Variants in AGAP3 observed in about 807,000 individuals in gnomAD.
The protein encoded by AGAP3 is ArfGAP with GTPase domain, ankyrin repeat and PH domain 3.
Under a neutral mutation model 96.9 loss-of-function variants are expected in AGAP3, and 24 were observed. The observed-to-expected ratio is 0.25, with a 90% CI of 0.18 to 0.35. AGAP3 has a LOEUF of 0.35. Among genes scored for constraint, AGAP3 ranks in the 10% least tolerant of loss-of-function variants. The pLI is 1.00. For synonymous variants in AGAP3, 563 were observed against 536.1 expected, an observed-to-expected ratio of 1.05 and a Z score of -0.69; for missense variants, 876 against 1,254.2, an observed-to-expected ratio of 0.70 and a Z score of 4.55.
chr7:151,119,448 T>C (rs367947372), intron 7 of AGAP3, among the ~76,000 whole-genome samples: 2 of 152,228 alleles, frequency 1.3e-5, no homozygotes, highest in African/African-American at 4.8e-5. Context: ...CTTACTCTGA[T>C]TGGGAGTCAT....
Position 151,086,706 on chromosome 7 carries a change from C to T in AGAP3, c.-36C>T, listed in dbSNP as rs1798163091. On this transcript the variant is annotated 5_prime_UTR_variant, in exon 1 of 18. Transcript: ENST00000397238. ...CGCCGCCGCCGCCTCCGCCGCGCCGCCCCGGGCCCGCCTCGGGCCCCACGG... is the reference window on the plus strand; with the variant it reads ...CGCCGCCGCCGCCTCCGCCGCGCCGTCCCGGGCCCGCCTCGGGCCCCACGG... 1 of 542,372 alleles carries T rather than the reference C, an allele frequency of 1.8e-6. No individual in the cohort carries two copies. The highest frequency in any genetic ancestry group is 7.6e-5 in the South Asian group (1 of 13,172). The allele number at this position is 542,372 out of a possible 1,614,324, so 33.6% of individuals were successfully genotyped here.
chr7:151,142,672 G>A lies in AGAP3; in HGVS notation c.2273+38G>A, dbSNP rs559446842. 1.3e-6 allele frequency: 2 copies of A among 1,587,006 alleles called. No homozygotes were observed. The highest frequency in any genetic ancestry group is 3.3e-5 in the Admixed American group (2 of 59,724). On this transcript the variant is annotated intron_variant, in intron 16 of 17. Transcript: ENST00000397238. This position sits in a 1 kb window ranked among gnomAD's most constrained non-coding sequence, Gnocchi z 7.5. ...TGCCCTGGAGCTGGCCAGGAATGGGGGAAGCGTTGGGGGCTCCCAGCATGG... is the reference window on the plus strand; with the variant it reads ...TGCCCTGGAGCTGGCCAGGAATGGGAGAAGCGTTGGGGGCTCCCAGCATGG...
At position 151,118,710 on chromosome 7, in the gene AGAP3, G is replaced by A. The variant is rs149050258; in HGVS notation, c.969+78G>A. ...CTCTGTGCGTCCTGCCACTTCTGCT[G>A]GCCTCCTGCTCACACCTGTCCACCT... On this transcript the variant is annotated intron_variant, in intron 7 of 17. Transcript: ENST00000397238. This position sits in a 1 kb window ranked among gnomAD's most constrained non-coding sequence, Gnocchi z 6.1. 185 of 1,556,908 alleles carry A rather than the reference G, an allele frequency of 1.2e-4. No homozygotes were observed. The East Asian group carries it at 3.2e-3, about 27-fold the overall frequency.
At chr7:151,106,728 C>T (rs151037132) in intron 1 of AGAP3, among the ~76,000 whole-genome samples, 26 of 152,204 alleles carry the variant, frequency 1.7e-4, no homozygotes, top group Non-Finnish European at 3.4e-4. Context: ...TCGCCCGCCT[C>T]AGGCTCAGGA....
rs538687221 is a variant in AGAP3, at chr7:151,144,159, G to A, written c.*216G>A. ...GAGGGATTTAGCCCTCTGCCCTAAG[G>A]TGCCATTGAAAAGGGACAGGACCCT... On this transcript the variant is annotated 3_prime_UTR_variant, in exon 18 of 18. Coordinates refer to ENST00000397238, the MANE Select transcript of AGAP3 (RefSeq NM_031946.7). 1.8e-5 allele frequency: 11 copies of A among 616,628 alleles called. No individual in the cohort carries two copies. Among genetic ancestry groups the A allele is most frequent in the East Asian group, 1.4e-4 (5 of 35,678 alleles). 38.2% of individuals were successfully genotyped at this position (616,628 alleles called of 1,614,324 possible).
intron 1 of AGAP3, 41 bp from the exon 2 acceptor site, chr7:151,116,752 G>A (rs1799604529): frequency 9.9e-6 from 16 of 1,611,960 alleles, no homozygotes; most frequent in African/African-American, 6.7e-5. Flanking sequence ...ACAGGTGTGT[G>A]TGCCACCCTG....
intron 10 of AGAP3, 137 bp from the exon 11 acceptor site, chr7:151,134,263 G>A: frequency 3.2e-6 from 3 of 945,836 alleles, no homozygotes; most frequent in Middle Eastern, 2.3e-4. Context: ...GACATTCTGT[G>A]GCTTAGAATC....
At chr7:151,123,328 G>A in intron 8 of AGAP3, 1 of 1,036,890 alleles carries the variant, frequency 9.6e-7, no homozygotes, top group South Asian at 3.6e-5. Flanking sequence ...TCCTCTCTCT[G>A]TCCATCCACT....
chr7:151,086,978 G>T lies in AGAP3; in HGVS notation c.237G>T (p.Val79=). The T allele has an allele frequency of 1.9e-6, 3 of 1,612,974 alleles. No individual in the cohort carries two copies. The highest frequency in any genetic ancestry group is 1.7e-6 in the Non-Finnish European group (2 of 1,179,574). Residue 79 remains valine (V), a synonymous_variant, in exon 1 of 18, where the codon GTG becomes GTT. Coordinates refer to ENST00000397238, the MANE Select transcript of AGAP3 (RefSeq NM_031946.7). ...IRAEIQRFES[V]HPNIYAIYDL... Reference sequence around the variant, plus strand: ...CCGAGATCCAGCGCTTCGAGTCCGTGCATCCCAATATCTACGCCATCTACG... The same window carrying T: ...CCGAGATCCAGCGCTTCGAGTCCGTTCATCCCAATATCTACGCCATCTACG...
intron 1 of AGAP3, among the ~76,000 whole-genome samples, chr7:151,104,656 G>A (rs766155458): frequency 6.6e-6 from 1 of 152,212 alleles, no homozygotes; most frequent in Admixed American, 6.5e-5. Context: ...AGGGTGCACC[G>A]ACATCCCCAC....
At position 151,108,432 on chromosome 7, in the gene AGAP3, C is replaced by T. The variant is rs953456205; in HGVS notation, c.332-8361C>T. 6.6e-6 allele frequency among the ~76,000 whole-genome samples: 1 copy of T among 152,194 alleles called. No homozygotes were observed. The highest frequency in any genetic ancestry group is 2.4e-5 in the African/African-American group (1 of 41,448). ...CTCTCGGTCCTGTGGCTCTCTCTGC[C>T]ACCCGCACCCCCACCAGCACCTCTG... On this transcript the variant is annotated intron_variant, in intron 1 of 17. Transcript: ENST00000397238. This position sits in a 1 kb window ranked among gnomAD's most constrained non-coding sequence, Gnocchi z 4.2.
chr7:151,139,873 C>A lies in AGAP3; in HGVS notation c.1667-106C>A. 8.7e-7 allele frequency: 1 copy of A among 1,144,828 alleles called. No individual in the cohort carries two copies. Among genetic ancestry groups the A allele is most frequent in the Non-Finnish European group, 1.1e-6 (1 of 869,668 alleles). 70.9% of individuals were successfully genotyped at this position (1,144,828 alleles called of 1,614,324 possible). A position where few individuals can be genotyped will look rare whatever the true frequency, so the allele number is the denominator to read the frequency against. On this transcript the variant is annotated intron_variant, in intron 12 of 17. Transcript: ENST00000397238. This position sits in a 1 kb window ranked among gnomAD's most constrained non-coding sequence, Gnocchi z 4.9. ...TCCGTCTGGCTCTCCTGAGTGTGGC[C>A]CAGCTACAGTTGGCAGGACTGGTCC...
intron 1 of AGAP3, chr7:151,115,307 C>G (rs978267944): frequency 9.9e-7 from 1 of 1,006,442 alleles, no homozygotes; most frequent in African/African-American, 1.8e-5. Context: ...CGGAGGGGCC[C>G]CGGCGCGGCC....
Position 151,118,309 on chromosome 7 carries a change from C to T in AGAP3, c.806C>T (p.Thr269Ile). 1 of 1,613,016 alleles carries T rather than the reference C, an allele frequency of 6.2e-7. No homozygotes were observed. Among genetic ancestry groups the T allele is most frequent in the Non-Finnish European group, 8.5e-7 (1 of 1,179,032 alleles). The change falls in exon 6 of 18, where the codon ACC becomes ATC. Residue 269 changes from threonine (T) to isoleucine (I), a missense_variant. Physicochemically the swap from Thr to Ile is moderately conservative, Grantham distance 89. Coordinates refer to ENST00000397238, the MANE Select transcript of AGAP3 (RefSeq NM_031946.7). This position sits in a 1 kb window ranked among gnomAD's most constrained non-coding sequence, Gnocchi z 6.1. ...TGCACCTACTATGAGACGTGCGCGA[C>T]CTACGGGCTCAATGTGGAGCGTGTC... is the stretch of plus-strand genomic sequence containing the variant. ...KRCTYYETCA[T>I]YGLNVERVFQ...
intron 1 of AGAP3, among the ~76,000 whole-genome samples, chr7:151,089,410 A>G (rs1381208914): frequency 2.0e-5 from 3 of 151,300 alleles, no homozygotes; most frequent in African/African-American, 4.9e-5. Context: ...ACACAGTGTC[A>G]GCTGGGAGCC....
Position 151,119,950 on chromosome 7 carries a change from A to C in AGAP3, c.970-37A>C, listed in dbSNP as rs762085514. The C allele has an allele frequency of 2.5e-6, 4 of 1,608,566 alleles. No individual in the cohort carries two copies. In the South Asian group the frequency reaches 4.4e-5, roughly 18 times the overall value. On this transcript the variant is annotated intron_variant, in intron 7 of 17. Transcript: ENST00000397238. ...CCGCCTGGTGCCCGTCCCGCCCCTG[A>C]CCCGGAGCTGCCCTCAGCAGCCCTC...
chr7:151,139,840 G>C lies in AGAP3; in HGVS notation c.1667-139G>C, dbSNP rs560528453. ...GAAGCCCAGGCAGACCTCGCCTAGAGAGAGGTGTCCGTCTGGCTCTCCTGA... is the reference window on the plus strand; with the variant it reads ...GAAGCCCAGGCAGACCTCGCCTAGACAGAGGTGTCCGTCTGGCTCTCCTGA... On this transcript the variant is annotated intron_variant, in intron 12 of 17. Transcript: ENST00000397238. This position sits in a 1 kb window ranked among gnomAD's most constrained non-coding sequence, Gnocchi z 4.9. 2.7e-4 allele frequency: 210 copies of C among 790,020 alleles called. No homozygotes were observed. In the African/African-American group the frequency reaches 3.4e-3, roughly 13 times the overall value. 48.9% of individuals were successfully genotyped at this position (790,020 alleles called of 1,614,324 possible).
rs1800835343 is a variant in AGAP3, at chr7:151,142,088, T to A, written c.1959+36T>A. The A allele has an allele frequency of 6.2e-7, 1 of 1,607,430 alleles. No homozygotes were observed. Among genetic ancestry groups the A allele is most frequent in the Non-Finnish European group, 8.5e-7 (1 of 1,175,310 alleles). ...AGTGACTGGGCCCACACAGAGCACCTGGCTGGGGTGGGACTGAAAGGGGCC... is the reference window on the plus strand; with the variant it reads ...AGTGACTGGGCCCACACAGAGCACCAGGCTGGGGTGGGACTGAAAGGGGCC... On this transcript the variant is annotated intron_variant, in intron 14 of 17. Coordinates refer to ENST00000397238, the MANE Select transcript of AGAP3 (RefSeq NM_031946.7). The surrounding 1 kb of genome is among the most constrained non-coding windows in gnomAD (Gnocchi z 7.5).
At position 151,115,176 on chromosome 7, in the gene AGAP3, G is replaced by A. The variant is rs1278536645; in HGVS notation, c.332-1617G>A. The A allele has an allele frequency of 1.8e-5, 18 of 1,014,484 alleles. 1 individual carries two copies. In the East Asian group the frequency reaches 1.7e-3, roughly 96 times the overall value. 62.8% of individuals were successfully genotyped at this position (1,014,484 alleles called of 1,614,324 possible). On this transcript the variant is annotated intron_variant, in intron 1 of 17. Coordinates refer to ENST00000397238, the MANE Select transcript of AGAP3 (RefSeq NM_031946.7). ...GACTTTCCTGGAGGTGAACCGCCTG[G>A]AGCTGGCGGCCGCCGAGGCGCCGGG... is the stretch of plus-strand genomic sequence containing the variant.
Sources: allele counts gnomAD v4.1 joint callset (sites outside exome capture counted in the v4.1 genomes callset), GRCh38; gene constraint gnomAD v4.1.1; non-coding constraint Gnocchi (gnomAD v3.1); transcripts MANE v1.5; gene names NCBI Gene and HGNC (gene_info 2026-07-23, HGNC 2026-07-21).